BMP8B: variants seen among roughly 807,000 people sequenced by gnomAD.
The protein encoded by BMP8B is bone morphogenetic protein 8b, also known as bone morphogenetic protein 8 (osteogenic protein 2).
A neutral mutation model predicts 30.3 loss-of-function variants in BMP8B; 17 were observed. The observed-to-expected ratio is 0.56, with a 90% CI of 0.38 to 0.84. BMP8B has a LOEUF of 0.84. BMP8B is among the 40% of genes least tolerant of loss of function. The pLI is 0.00. For synonymous variants in BMP8B, 131 were observed against 214.7 expected, an observed-to-expected ratio of 0.61 and a Z score of 3.41; for missense variants, 253 against 494.6, an observed-to-expected ratio of 0.51 and a Z score of 4.63.
chr1:39,782,941 G>C (rs368104501), intron 1 of BMP8B, among the ~76,000 whole-genome samples: 1 of 151,690 alleles, frequency 6.6e-6, no homozygotes, highest in Non-Finnish European at 1.5e-5. Context: ...CTACAGTCCC[G>C]CGCCACCATG....
At chr1:39,781,756 AG>A (rs762176165) in intron 1 of BMP8B, among the ~76,000 whole-genome samples, 1 of 152,168 alleles carries the variant, frequency 6.6e-6, no homozygotes, top group Non-Finnish European at 1.5e-5. Flanking sequence ...TCTCTCTTTA[AG>A]GCAAGGGGGC....
At chr1:39,787,445 C>T (rs1651060884) in intron 1 of BMP8B, among the ~76,000 whole-genome samples, 1 of 152,182 alleles carries the variant, frequency 6.6e-6, no homozygotes, top group Non-Finnish European at 1.5e-5. Flanking sequence ...ATAAATAGCT[C>T]CAGGGTTTGA....
chr1:39,781,674 C>T lies in BMP8B; in HGVS notation c.334+6478G>A, dbSNP rs1405096392. Among the ~76,000 whole-genome samples the T allele has an allele frequency of 6.6e-5, 10 of 152,342 alleles. No homozygotes were observed. The East Asian group carries it at 1.9e-3, about 29-fold the overall frequency. ...GAATGAAGGGAGCAAGTTTTGGATGCACCCACAACAAAGGCCTCAGACAAC... is the reference window on the plus strand; with the variant it reads ...GAATGAAGGGAGCAAGTTTTGGATGTACCCACAACAAAGGCCTCAGACAAC... On this transcript the variant is annotated intron_variant, in intron 1 of 6. Transcript: ENST00000372827.
At chr1:39,769,702 T>G (rs201022411) in intron 3 of BMP8B, 3 of 1,606,764 alleles carry the variant, frequency 1.9e-6, no homozygotes, top group Non-Finnish European at 2.6e-6. Flanking sequence ...CCAGGTCCCG[T>G]CAGGGTGCCA....
intron 3 of BMP8B, chr1:39,771,386 A>C (rs1444360696): frequency 1.2e-6 from 1 of 859,278 alleles, no homozygotes; most frequent in Non-Finnish European, 1.6e-6. Context: ...GGCCAGGCGC[A>C]GGCTCTAGGC....
intron 1 of BMP8B, among the ~76,000 whole-genome samples, chr1:39,779,089 G>A (rs1557487759): frequency 6.6e-6 from 1 of 152,200 alleles, no homozygotes; most frequent in Non-Finnish European, 1.5e-5. Context: ...TGTGAAATGA[G>A]TGGCCCTGGA....
chr1:39,782,237 C>A (rs974040725), intron 1 of BMP8B, among the ~76,000 whole-genome samples: 4 of 151,882 alleles, frequency 2.6e-5, no homozygotes, highest in Non-Finnish European at 5.9e-5. Context: ...GGGTCACGAG[C>A]GACTCAATGC....
chr1:39,785,509 T>C (rs981810925), intron 1 of BMP8B, among the ~76,000 whole-genome samples: 1 of 152,172 alleles, frequency 6.6e-6, no homozygotes, highest in East Asian at 1.9e-4. Flanking sequence ...GTGGGAGGCC[T>C]ATGAGAGCCC....
At chr1:39,766,523 C>G (rs1385527750) in intron 3 of BMP8B, among the ~76,000 whole-genome samples, 3 of 121,754 alleles carry the variant, frequency 2.5e-5, no homozygotes, top group African/African-American at 1.1e-4. Flanking sequence ...CAAAGGTCAG[C>G]CCTTAAGCAG....
rs57439527 is a variant in BMP8B at position 39,788,140 on chromosome 1, G to A, written c.334+12C>T. On this transcript the variant is annotated intron_variant, in intron 1 of 6. Transcript: ENST00000372827. The surrounding 1 kb of genome is among the most constrained non-coding windows in gnomAD (Gnocchi z 5.8). ...TTACTCCGAGGGTCCCCGCGCGGGC[G>A]GCCGCACTCACCCATGTTAACGAAG... The A allele has an allele frequency of 0.082, 127,166 of 1,558,998 alleles. 7,487 individuals carry two copies. The highest frequency in any genetic ancestry group is 0.31 in the African/African-American group (22,161 of 71,194).
At chr1:39,782,151 C>A (rs909092500) in intron 1 of BMP8B, among the ~76,000 whole-genome samples, 34 of 126,438 alleles carry the variant, frequency 2.7e-4, no homozygotes, top group South Asian at 7.8e-4. Flanking sequence ...AACTCCATCT[C>A]AAAAAAAAAA....
At chr1:39,762,979 C>A in intron 6 of BMP8B, 113 bp downstream of exon 6, 8 of 1,317,430 alleles carry the variant, frequency 6.1e-6, no homozygotes, top group Non-Finnish European at 8.6e-6. Context: ...GCAGACAAAG[C>A]CCCCTGAGAC....
chr1:39,760,341 TG>T lies in BMP8B; in HGVS notation c.*77del. On this transcript the variant is annotated 3_prime_UTR_variant, in exon 7 of 7. Coordinates refer to ENST00000372827, the MANE Select transcript of BMP8B (RefSeq NM_001720.5). ...GCAATGCCCCGGCCTGGGGTCTGGC[TG>T]GGTTTGAGGGTTTCCTGCTTCTGAG... The T allele has an allele frequency of 6.3e-7, 1 of 1,589,236 alleles. No homozygotes were observed. Among genetic ancestry groups the T allele is most frequent in the Non-Finnish European group, 8.5e-7 (1 of 1,169,660 alleles).
Position 39,763,208 on chromosome 1 carries a change from G to T in BMP8B, c.949-6C>A. The T allele has an allele frequency of 1.2e-6, 2 of 1,606,764 alleles. No individual in the cohort carries two copies. The highest frequency in any genetic ancestry group is 1.7e-6 in the Non-Finnish European group (2 of 1,175,508). On this transcript the variant is annotated splice_region_variant and splice_polypyrimidine_tract_variant and intron_variant, in intron 5 of 6. Transcript: ENST00000372827. ...TGGGGAGCGATGACCCAGTCCTGGG[G>T]GGCAAGGGAGAAGGTGAGTCCCATC... is the stretch of plus-strand genomic sequence containing the variant.
chr1:39,780,721 G>A (rs1428785176), intron 1 of BMP8B, among the ~76,000 whole-genome samples: 2 of 152,178 alleles, frequency 1.3e-5, no homozygotes, highest in African/African-American at 2.4e-5. Flanking sequence ...ATGAGACCTC[G>A]TCTCTATAAA....
At position 39,777,633 on chromosome 1, in the gene BMP8B, AC is replaced by A. The variant is rs1288062177; in HGVS notation, c.335-2596del. Among the ~76,000 whole-genome samples the A allele has an allele frequency of 1.3e-5, 2 of 152,174 alleles. 1 individual carries two copies. Among genetic ancestry groups the A allele is most frequent in the Non-Finnish European group, 2.9e-5 (2 of 68,022 alleles). On this transcript the variant is annotated intron_variant, in intron 1 of 6. Transcript: ENST00000372827. Reference sequence around the variant, plus strand: ...TTTGTGCTCTGGGCAATTTAGTCTCACCCAGACAACCTAAATCTGTCTTATT... The same window carrying A: ...TTTGTGCTCTGGGCAATTTAGTCTCACCAGACAACCTAAATCTGTCTTATT...
At chr1:39,766,504 A>C (rs1649624984) in intron 3 of BMP8B, among the ~76,000 whole-genome samples, 1 of 115,538 alleles carries the variant, frequency 8.7e-6, no homozygotes, top group South Asian at 2.9e-4. Flanking sequence ...CCCCACCCTC[A>C]GTCCCACTCA....
chr1:39,762,901 C>G (rs559335189), intron 6 of BMP8B, among the ~76,000 whole-genome samples, 191 bp downstream of exon 6: 1 of 152,340 alleles, frequency 6.6e-6, no homozygotes, highest in South Asian at 2.1e-4. Context: ...TGCGAGTCTA[C>G]GTGTAGTGTG....
chr1:39,762,742 G>A, intron 6 of BMP8B: 2 of 1,397,258 alleles, frequency 1.4e-6, no homozygotes, highest in Non-Finnish European at 1.9e-6. Context: ...CGTGTGCTAA[G>A]ATCACACAGC....
Sources: allele counts gnomAD v4.1 joint callset (sites outside exome capture counted in the v4.1 genomes callset), GRCh38; gene constraint gnomAD v4.1.1; non-coding constraint Gnocchi (gnomAD v3.1); transcripts MANE v1.5; gene names NCBI Gene and HGNC (gene_info 2026-07-23, HGNC 2026-07-21).